Variants in RAB3C observed in about 807,000 individuals in gnomAD.
RAB3C encodes the protein ras-related protein Rab-3C.
A neutral mutation model predicts 26.4 loss-of-function variants in RAB3C; 17 were observed. That is an observed-to-expected ratio of 0.64 (90% confidence interval 0.44 to 0.97). The LOEUF (loss-of-function observed/expected upper bound fraction) is 0.97, where lower values mean the gene tolerates loss of function less well. Among genes scored for constraint, RAB3C ranks in the 50% least tolerant of loss-of-function variants. RAB3C has a pLI of 0.00. For missense variants in RAB3C, 242 were observed against 281.9 expected (o/e 0.86, Z 1.01); for synonymous variants, 91 against 95.9 (o/e 0.95, Z 0.30).
chr5:58,757,925 G>GTTA (rs1741709017), intron 3 of RAB3C, among the ~76,000 whole-genome samples: 2 of 142,400 alleles, frequency 1.4e-5, no homozygotes. Context: ...TGTTTTTGTT[G>GTTA]TTGTTGTTGT....
intron 3 of RAB3C, among the ~76,000 whole-genome samples, chr5:58,806,202 T>C (rs1318794837): frequency 6.6e-6 from 1 of 152,212 alleles, no homozygotes; most frequent in Non-Finnish European, 1.5e-5. Flanking sequence ...TGTTTAAACT[T>C]TTTGTTCCTT....
intron 3 of RAB3C, among the ~76,000 whole-genome samples, chr5:58,820,073 T>C (rs776317904): frequency 1.3e-5 from 2 of 152,176 alleles, no homozygotes; most frequent in Non-Finnish European, 2.9e-5. Flanking sequence ...TTTAGTGACA[T>C]GAATACTCAT....
At chr5:58,625,856 C>CA (rs11396391) in intron 2 of RAB3C, among the ~76,000 whole-genome samples, 56,146 of 122,018 alleles carry the variant, frequency 0.46, 11,373 homozygotes, top group East Asian at 0.6. Flanking sequence ...GACTCTGTCT[C>CA]AAAAAAAAAA....
At chr5:58,683,314 T>C (rs1748383931) in intron 2 of RAB3C, among the ~76,000 whole-genome samples, 1 of 152,256 alleles carries the variant, frequency 6.6e-6, no homozygotes, top group South Asian at 2.1e-4. Context: ...ATTCTTCTTA[T>C]ATACTTTTCC....
intron 3 of RAB3C, among the ~76,000 whole-genome samples, chr5:58,802,305 T>C (rs1042225308): frequency 3.9e-5 from 6 of 152,194 alleles, no homozygotes; most frequent in Admixed American, 3.9e-4. Context: ...CGAGCACACA[T>C]TAATTCCAGG....
chr5:58,646,177 C>T (rs1747513171), intron 2 of RAB3C, among the ~76,000 whole-genome samples: 1 of 152,124 alleles, frequency 6.6e-6, no homozygotes, highest in African/African-American at 2.4e-5. Flanking sequence ...ATCCTCATCC[C>T]AAGGCTGAGT....
chr5:58,662,328 A>G (rs1267868649), intron 2 of RAB3C, among the ~76,000 whole-genome samples: 1 of 150,252 alleles, frequency 6.7e-6, no homozygotes, highest in Non-Finnish European at 1.5e-5. Flanking sequence ...ATACAAAATT[A>G]TGATTGTAGA....
rs745698929 is a variant in RAB3C, at chr5:58,856,400, C to A, written c.*5049C>A. 6.6e-6 allele frequency: 1 copy of A among 151,872 alleles called. No individual in the cohort carries two copies. The highest frequency in any genetic ancestry group is 1.5e-5 in the Non-Finnish European group (1 of 67,970). The allele number at this position is 151,872 out of a possible 1,614,324, so 9.4% of individuals were successfully genotyped here. On this transcript the variant is annotated 3_prime_UTR_variant, in exon 5 of 5. Transcript: ENST00000282878. ...CAAATTGAACTTTCTATTTGCAGTT[C>A]TCTTTTACTTTCTGACTTTCTTTTA...
At chr5:58,598,517 A>T (rs928613398) in intron 1 of RAB3C, among the ~76,000 whole-genome samples, 1 of 152,040 alleles carries the variant, frequency 6.6e-6, no homozygotes, top group African/African-American at 2.4e-5. Context: ...TTTCTACAAA[A>T]TTCCACTTGC....
intron 2 of RAB3C, among the ~76,000 whole-genome samples, chr5:58,709,115 T>C (rs1749008587): frequency 6.6e-6 from 1 of 152,230 alleles, no homozygotes; most frequent in Admixed American, 6.5e-5. Flanking sequence ...TTCTGGAAAT[T>C]TGTTTTCTCT....
chr5:58,617,831 T>G lies in RAB3C; in HGVS notation c.213T>G (p.Thr71=). 6.2e-7 allele frequency: 1 copy of G among 1,612,508 alleles called. No homozygotes were observed. Residue 71 remains threonine (T), a synonymous_variant, in exon 2 of 5, where the codon ACT becomes ACG. Transcript: ENST00000282878. ...TTGGGATCGATTTCAAAGTAAAAACTGTATTCAAAAATGAAAAGAGAATCA... is the reference window on the plus strand; with the variant it reads ...TTGGGATCGATTTCAAAGTAAAAACGGTATTCAAAAATGAAAAGAGAATCA... ...STVGIDFKVK[T]VFKNEKRIKL... is the part of the protein sequence containing the mutation.
chr5:58,655,794 T>C (rs1747756576), intron 2 of RAB3C, among the ~76,000 whole-genome samples: 1 of 137,290 alleles, frequency 7.3e-6, no homozygotes. Flanking sequence ...TAACTCTTTT[T>C]TTTTTTTTTT....
chr5:58,795,073 G>C (rs377427993), intron 3 of RAB3C, among the ~76,000 whole-genome samples: 1 of 152,146 alleles, frequency 6.6e-6, no homozygotes, highest in Non-Finnish European at 1.5e-5. Flanking sequence ...CCATGGGGGC[G>C]GGTTTTTCCC....
intron 1 of RAB3C, among the ~76,000 whole-genome samples, chr5:58,613,541 CAA>C (rs936284780): frequency 2.0e-5 from 3 of 151,834 alleles, no homozygotes; most frequent in African/African-American, 4.8e-5. Flanking sequence ...TCAAAGCAAA[CAA>C]GAGGAAATTT....
At chr5:58,705,193 C>CA (rs1748919714) in intron 2 of RAB3C, among the ~76,000 whole-genome samples, 1 of 152,078 alleles carries the variant, frequency 6.6e-6, no homozygotes, top group South Asian at 2.1e-4. Context: ...TCTCTGCTTT[C>CA]AACATACTTT....
intron 3 of RAB3C, among the ~76,000 whole-genome samples, chr5:58,804,189 C>A (rs1329192410): frequency 3.9e-5 from 6 of 152,002 alleles, no homozygotes; most frequent in Non-Finnish European, 7.4e-5. Flanking sequence ...AGATCACCAA[C>A]TTTCTTTTCC....
intron 3 of RAB3C, among the ~76,000 whole-genome samples, chr5:58,752,057 G>C (rs1447064635): frequency 2.1e-5 from 3 of 142,606 alleles, no homozygotes; most frequent in African/African-American, 8.1e-5. Flanking sequence ...AATTATTACA[G>C]AGATGCAAAA....
chr5:58,829,105 G>C (rs192216991), intron 4 of RAB3C, among the ~76,000 whole-genome samples: 1 of 151,648 alleles, frequency 6.6e-6, no homozygotes, highest in African/African-American at 2.4e-5. Flanking sequence ...GGCTTTCACC[G>C]TGTTAGCCAG....
rs1428441218 is a variant in RAB3C at position 58,642,961 on chromosome 5, CAT to C, written c.252+25092_252+25093del. ...TTATAATAGGGATCTTAGAAGGTCA[CAT>C]GTGATGAATTGAAAGGTAGAAAATC... On this transcript the variant is annotated intron_variant, in intron 2 of 4. Coordinates refer to ENST00000282878, the MANE Select transcript of RAB3C (RefSeq NM_138453.4). Among the ~76,000 whole-genome samples, 18 of 152,174 alleles carry C rather than the reference CAT, an allele frequency of 1.2e-4. No individual in the cohort carries two copies. The East Asian group carries it at 3.3e-3, about 28-fold the overall frequency.
Sources: allele counts gnomAD v4.1 joint callset (sites outside exome capture counted in the v4.1 genomes callset), GRCh38; gene constraint gnomAD v4.1.1; transcripts MANE v1.5; gene names NCBI Gene and HGNC (gene_info 2026-07-23, HGNC 2026-07-21).